Variants in ASPH observed in about 807,000 individuals in gnomAD.
The protein encoded by ASPH is aspartate beta-hydroxylase.
Under a neutral mutation model 118.4 loss-of-function variants are expected in ASPH, and 100 were observed. The ratio of observed to expected loss-of-function variants is 0.84; its 90% CI spans 0.72 to 1.00. The LOEUF is 1.00. ASPH is among the 50% of genes least tolerant of loss of function. The probability of loss-of-function intolerance (pLI) is 0.00; values close to 1 mark genes in which losing one functional copy is unlikely to be tolerated. For synonymous variants in ASPH, 315 were observed against 325.6 expected, an observed-to-expected ratio of 0.97 and a Z score of 0.35; for missense variants, 920 against 919.5, an observed-to-expected ratio of 1.00 and a Z score of -0.01.
chr8:61,671,848 G>A (rs1822714510), intron 3 of ASPH, among the ~76,000 whole-genome samples: 1 of 152,220 alleles, frequency 6.6e-6, no homozygotes, highest in South Asian at 2.1e-4. Flanking sequence ...CCAATGGATA[G>A]ATCTGTGGTT....
At chr8:61,667,346 C>G (rs1267685365) in intron 3 of ASPH, among the ~76,000 whole-genome samples, 1 of 152,046 alleles carries the variant, frequency 6.6e-6, no homozygotes, top group African/African-American at 2.4e-5. Flanking sequence ...CTACAAATGG[C>G]TGACAGGTAT....
intron 20 of ASPH, among the ~76,000 whole-genome samples, chr8:61,550,635 C>T (rs924558689): frequency 6.6e-6 from 1 of 152,216 alleles, no homozygotes; most frequent in African/African-American, 2.4e-5. Flanking sequence ...CTGAGAGACA[C>T]ACTTCTGGTG....
intron 2 of ASPH, chr8:61,682,563 T>C: frequency 7.6e-7 from 1 of 1,319,096 alleles, no homozygotes; most frequent in South Asian, 1.2e-5. Flanking sequence ...TTAAGATACA[T>C]TCCCTAACAA....
At chr8:61,599,878 G>A (rs1843473828) in intron 14 of ASPH, among the ~76,000 whole-genome samples, 1 of 152,118 alleles carries the variant, frequency 6.6e-6, no homozygotes, top group African/African-American at 2.4e-5. Flanking sequence ...AAAAATTGAA[G>A]AGAAGGGAAT....
intron 3 of ASPH, among the ~76,000 whole-genome samples, chr8:61,669,918 T>C (rs1052826567): frequency 1.3e-5 from 2 of 152,154 alleles, no homozygotes; most frequent in African/African-American, 4.8e-5. Flanking sequence ...CATATAAAAA[T>C]AAACAGTGCT....
intron 5 of ASPH, among the ~76,000 whole-genome samples, chr8:61,648,225 C>T (rs2350588): frequency 0.84 from 127,111 of 152,170 alleles, 53,234 homozygotes; most frequent in African/African-American, 0.88. Context: ...GTCATTATCA[C>T]CATTATTACA....
In ASPH at chr8:61,525,356, G is replaced by GCACA. The variant is rs575416248; in HGVS notation, c.1900+617_1900+620dup. 9.6e-4 allele frequency among the ~76,000 whole-genome samples: 138 copies of GCACA among 143,914 alleles called. 2 individuals are homozygous for GCACA. Among genetic ancestry groups the GCACA allele is most frequent in the South Asian group, 3.6e-3 (16 of 4,420 alleles). 94.4% of individuals were successfully genotyped at this position (143,914 alleles called of 152,430 possible). A position where few individuals can be genotyped will look rare whatever the true frequency, so the allele number is the denominator to read the frequency against. ...CAATTCACTGAAAACACACACACAC[G>GCACA]CACACACACACACATACACACACGC... On this transcript the variant is annotated intron_variant, in intron 22 of 24. Transcript: ENST00000379454.
At chr8:61,550,144 A>G (rs1171520065) in intron 20 of ASPH, among the ~76,000 whole-genome samples, 1 of 152,156 alleles carries the variant, frequency 6.6e-6, no homozygotes, top group Non-Finnish European at 1.5e-5. Context: ...AGGGGACCCA[A>G]TGAATTCAGC....
intron 18 of ASPH, among the ~76,000 whole-genome samples, chr8:61,557,084 C>G (rs1828135430): frequency 6.6e-6 from 1 of 152,200 alleles, no homozygotes; most frequent in Admixed American, 6.5e-5. Context: ...ACCACTGCTA[C>G]CCTGACCCAA....
At chr8:61,703,320 A>C (rs1200557281) in intron 1 of ASPH, among the ~76,000 whole-genome samples, 1 of 152,186 alleles carries the variant, frequency 6.6e-6, no homozygotes, top group Non-Finnish European at 1.5e-5. Context: ...AAAAGACTGG[A>C]AAAGAAGTAA....
intron 22 of ASPH, among the ~76,000 whole-genome samples, chr8:61,520,896 T>G (rs1463878026): frequency 6.6e-6 from 1 of 152,212 alleles, no homozygotes; most frequent in Non-Finnish European, 1.5e-5. Context: ...ATGGGTTGTG[T>G]CCCTGAGATT....
intron 21 of ASPH, among the ~76,000 whole-genome samples, chr8:61,539,072 C>CTCTA (rs1820707348): frequency 6.6e-6 from 1 of 152,020 alleles, no homozygotes; most frequent in Admixed American, 6.6e-5. Context: ...TGAAACCCGT[C>CTCTA]TCTACTAAAA....
rs1238244163 is a variant in ASPH at position 61,622,248 on chromosome 8, G to A, written c.935-3229C>T. Among the ~76,000 whole-genome samples the A allele has an allele frequency of 1.1e-4, 17 of 152,232 alleles. 1 individual carries two copies. The highest frequency in any genetic ancestry group is 1.1e-3 in the Admixed American group (17 of 15,290). ...AGCTACTCGGTAGGCTGAGGCAGGA[G>A]AATCGCTTGAATCCGGGAGGCAGAG... On this transcript the variant is annotated intron_variant, in intron 13 of 24. Coordinates refer to ENST00000379454, the MANE Select transcript of ASPH (RefSeq NM_004318.4).
At chr8:61,655,328 T>C (rs999602101) in intron 3 of ASPH, among the ~76,000 whole-genome samples, 1 of 152,202 alleles carries the variant, frequency 6.6e-6, no homozygotes, top group Non-Finnish European at 1.5e-5. Flanking sequence ...GAGATCCGTA[T>C]TTCTGCTCCA....
At chr8:61,712,378 C>G (rs948109166) in intron 1 of ASPH, among the ~76,000 whole-genome samples, 1 of 152,142 alleles carries the variant, frequency 6.6e-6, no homozygotes, top group Non-Finnish European at 1.5e-5. Flanking sequence ...TGCCTTCTAT[C>G]TGGCACACAG....
chr8:61,676,257 C>A, intron 3 of ASPH: 1 of 1,592,364 alleles, frequency 6.3e-7, no homozygotes, highest in Non-Finnish European at 8.5e-7. Flanking sequence ...CTTTCCTCTG[C>A]TAAAATATTA....
intron 21 of ASPH, among the ~76,000 whole-genome samples, chr8:61,538,577 A>G (rs1380861528): frequency 6.6e-6 from 1 of 152,228 alleles, no homozygotes; most frequent in Non-Finnish European, 1.5e-5. Context: ...GAAATGCTGA[A>G]CCACTAATTT....
At chr8:61,533,552 T>A (rs1195172873) in intron 21 of ASPH, among the ~76,000 whole-genome samples, 1 of 152,228 alleles carries the variant, frequency 6.6e-6, no homozygotes, top group South Asian at 2.1e-4. Flanking sequence ...CAATTGGACA[T>A]CTTGTGAAAG....
chr8:61,550,738 T>C (rs1825710973), intron 20 of ASPH, among the ~76,000 whole-genome samples: 1 of 152,174 alleles, frequency 6.6e-6, no homozygotes, highest in African/African-American at 2.4e-5. Flanking sequence ...TTTTTGAGCA[T>C]AGGGTGGCTT....
Sources: gnomAD v4.1 joint callset for allele counts (sites outside exome capture counted in the v4.1 genomes callset) on GRCh38, gnomAD v4.1.1 for gene constraint, MANE v1.5 for transcripts, NCBI Gene and HGNC (gene_info 2026-07-23, HGNC 2026-07-21) for gene names.